The following DLGAP2 variants were observed in gnomAD, a reference collection of about 807,000 sequenced individuals.
DLGAP2 encodes disks large-associated protein 2.
DLGAP2 carries 26 observed loss-of-function variants against 100.3 expected under a neutral mutation model. The ratio of observed to expected loss-of-function variants is 0.26; its 90% confidence interval spans 0.19 to 0.36. The LOEUF (loss-of-function observed/expected upper bound fraction) is 0.36. Among genes scored for constraint, DLGAP2 ranks in the 10% least tolerant of loss-of-function variants. DLGAP2 has a pLI of 1.00. For missense variants in DLGAP2, 1,858 were observed against 1,453.2 expected (o/e 1.28, Z -4.53); for synonymous variants, 886 against 630.1 (o/e 1.41, Z -6.08).
At chr8:1,357,956 T>C (rs1346133875) in intron 3 of DLGAP2, among the ~76,000 whole-genome samples, 3 of 152,136 alleles carry the variant, frequency 2.0e-5, no homozygotes, top group Non-Finnish European at 4.4e-5. Flanking sequence ...CCTTTACTGC[T>C]GAAATTTAGG....
chr8:1,576,399 T>C (rs1305158729), intron 6 of DLGAP2, among the ~76,000 whole-genome samples: 1 of 152,200 alleles, frequency 6.6e-6, no homozygotes, highest in Admixed American at 6.5e-5. Flanking sequence ...TTGCAAAAAT[T>C]TTCTCCCATT....
intron 4 of DLGAP2, among the ~76,000 whole-genome samples, chr8:1,534,109 C>G (rs1051342821): frequency 4.0e-5 from 6 of 151,694 alleles, no homozygotes; most frequent in Admixed American, 2.0e-4. Context: ...TGTGTCAAAG[C>G]AAAAATATAA....
At chr8:1,563,789 G>A (rs1219588698) in intron 5 of DLGAP2, among the ~76,000 whole-genome samples, 1 of 152,130 alleles carries the variant, frequency 6.6e-6, no homozygotes, top group Non-Finnish European at 1.5e-5. Flanking sequence ...CCTTCAGCCA[G>A]AAGACCTGCC....
chr8:795,339 C>T (rs150068568), intron 1 of DLGAP2, among the ~76,000 whole-genome samples: 98 of 152,282 alleles, frequency 6.4e-4, no homozygotes, highest in Non-Finnish European at 1.2e-3. Flanking sequence ...GCCCATGGCT[C>T]GAGCTTGGGC....
chr8:1,279,664 G>A (rs1441289991), intron 3 of DLGAP2, among the ~76,000 whole-genome samples: 1 of 152,212 alleles, frequency 6.6e-6, no homozygotes, highest in Non-Finnish European at 1.5e-5. Flanking sequence ...GTCAGCTTGT[G>A]AGGCTTGGCT....
chr8:1,637,637 T>A (rs762822291), intron 8 of DLGAP2, among the ~76,000 whole-genome samples: 2 of 152,200 alleles, frequency 1.3e-5, no homozygotes, highest in East Asian at 1.9e-4. Context: ...TATATGCCAA[T>A]TGAAGATTCT....
intron 3 of DLGAP2, among the ~76,000 whole-genome samples, chr8:1,268,735 T>G (rs546044261): frequency 6.6e-6 from 1 of 152,366 alleles, no homozygotes; most frequent in East Asian, 1.9e-4. Flanking sequence ...AACTTACTAC[T>G]TGTTTCTTTA....
intron 1 of DLGAP2, among the ~76,000 whole-genome samples, chr8:772,601 G>C (rs1242033344): frequency 6.6e-6 from 1 of 152,218 alleles, no homozygotes; most frequent in Non-Finnish European, 1.5e-5. Context: ...GGGACTACAG[G>C]CATGAGCCAC....
At position 1,253,179 on chromosome 8, in the gene DLGAP2, C is replaced by T. The variant is rs143214565; in HGVS notation, c.74-5672C>T. On this transcript the variant is annotated intron_variant, in intron 2 of 14. Transcript: ENST00000637795. ...AGCCTCAGGAAAGCGGTACCCATCCCCAGCAACGCTGAGCTTGGCTTCGTC... is the reference window on the plus strand; with the variant it reads ...AGCCTCAGGAAAGCGGTACCCATCCTCAGCAACGCTGAGCTTGGCTTCGTC... 3.7e-4 allele frequency among the ~76,000 whole-genome samples: 56 copies of T among 152,354 alleles called. 1 individual carries two copies. Among genetic ancestry groups the T allele is most frequent in the African/African-American group, 1.3e-3 (55 of 41,580 alleles).
Position 1,350,040 on chromosome 8 carries a change from C to G in DLGAP2, c.106+91157C>G, listed in dbSNP as rs1388063624. Among the ~76,000 whole-genome samples the G allele has an allele frequency of 5.3e-5, 8 of 152,262 alleles. No homozygotes were observed. The East Asian group carries it at 1.5e-3, about 29-fold the overall frequency. ...AATATAAAGGGGAGCAAATTGATGA[C>G]TTTAATATAGAAACCGTTTCGATAT... On this transcript the variant is annotated intron_variant, in intron 3 of 14. Coordinates refer to ENST00000637795, the MANE Select transcript of DLGAP2 (RefSeq NM_001346810.2).
chr8:1,339,099 CGTGGCGTCAGGACCCGGGAGGGA>C (rs1801359767), intron 3 of DLGAP2, among the ~76,000 whole-genome samples: 2 of 93,924 alleles, frequency 2.1e-5, no homozygotes, highest in Non-Finnish European at 4.2e-5. Context: ...GTGACCTCAG[CGTGGCGTCAGGACCCGGGAGGGA>C]ATGCAGTGAC....
chr8:1,279,041 C>G (rs915668446), intron 3 of DLGAP2, among the ~76,000 whole-genome samples: 2 of 152,152 alleles, frequency 1.3e-5, no homozygotes, highest in African/African-American at 4.8e-5. Flanking sequence ...ATGAGCTATA[C>G]TCACCCCAGG....
chr8:1,088,714 C>G (rs139682541), intron 2 of DLGAP2, among the ~76,000 whole-genome samples: 12 of 148,090 alleles, frequency 8.1e-5, no homozygotes, highest in Non-Finnish European at 1.2e-4. Flanking sequence ...CACCCCTCAT[C>G]CAGCAGGCTA....
At chr8:1,391,576 T>C (rs1427512273) in intron 3 of DLGAP2, among the ~76,000 whole-genome samples, 3 of 152,162 alleles carry the variant, frequency 2.0e-5, no homozygotes. Context: ...TGTTCCACCA[T>C]GGATGCCTCA....
intron 3 of DLGAP2, among the ~76,000 whole-genome samples, chr8:1,347,950 T>C (rs866132483): frequency 4.6e-5 from 6 of 131,246 alleles, no homozygotes; most frequent in Admixed American, 7.5e-5. Flanking sequence ...TGAGTTCCCA[T>C]ACAGAGCTAC....
At chr8:1,099,468 AC>A (rs1804507775) in intron 2 of DLGAP2, among the ~76,000 whole-genome samples, 3 of 152,100 alleles carry the variant, frequency 2.0e-5, no homozygotes. Context: ...TGCTAAGTAA[AC>A]TCGGTGCCGA....
At chr8:1,147,481 T>G (rs561275029) in intron 2 of DLGAP2, among the ~76,000 whole-genome samples, 1 of 152,252 alleles carries the variant, frequency 6.6e-6, no homozygotes, top group East Asian at 1.9e-4. Context: ...ATTCATAAAT[T>G]GAATTTCATT....
At chr8:754,579 G>T (rs532022275) in intron 1 of DLGAP2, among the ~76,000 whole-genome samples, 1 of 152,334 alleles carries the variant, frequency 6.6e-6, no homozygotes, top group African/African-American at 2.4e-5. Flanking sequence ...GCCTGCCCAG[G>T]TGCGGGGCTT....
Position 1,429,998 on chromosome 8 carries a change from A to G in DLGAP2, c.107-71368A>G, listed in dbSNP as rs1197071479. On this transcript the variant is annotated intron_variant, in intron 3 of 14. Coordinates refer to ENST00000637795, the MANE Select transcript of DLGAP2 (RefSeq NM_001346810.2). ...AATGAAAGCAGAAGGGGAGAGATGC[A>G]TATATATACATATATATATATATAT... is the stretch of plus-strand genomic sequence containing the variant. Among the ~76,000 whole-genome samples the G allele has an allele frequency of 2.5e-4, 5 of 20,400 alleles. No homozygotes were observed. The East Asian group carries it at 0.017, about 70-fold the overall frequency. 13.4% of individuals were successfully genotyped at this position (20,400 alleles called of 152,430 possible).
Sources: allele counts gnomAD v4.1 joint callset (sites outside exome capture counted in the v4.1 genomes callset), GRCh38; gene constraint gnomAD v4.1.1; transcripts MANE v1.5; gene names NCBI Gene and HGNC (gene_info 2026-07-23, HGNC 2026-07-21).